Variants in ZDHHC9 observed in about 807,000 individuals in gnomAD.
ZDHHC9 encodes the protein zDHHC palmitoyltransferase 9.
In ZDHHC9, 3 loss-of-function variants were observed where a neutral mutation model predicts 26.6. The ratio of observed to expected loss-of-function variants is 0.11; its 90% CI spans 0.05 to 0.29. ZDHHC9 has a LOEUF of 0.29. Among genes scored for constraint, ZDHHC9 ranks in the 10% least tolerant of loss-of-function variants. The pLI, the probability that ZDHHC9 is intolerant of heterozygous loss-of-function variation, is 1.00. For synonymous variants in ZDHHC9, 111 were observed against 109.4 expected (o/e 1.01, Z -0.09); for missense variants, 146 against 296.4 (o/e 0.49, Z 3.73).
At chrX:129,833,582 GGTTT>G (rs986362959) in intron 3 of ZDHHC9, among the ~76,000 whole-genome samples, 2 of 112,031 alleles carry the variant, frequency 1.8e-5, no homozygotes, top group Admixed American at 9.5e-5. Flanking sequence ...TATGTTTTTT[GGTTT>G]GTTTGTTCTT....
chrX:129,828,312 G>A lies in ZDHHC9; in HGVS notation c.328+669C>T, dbSNP rs966000641. On this transcript the variant is annotated intron_variant, in intron 4 of 10. Transcript: ENST00000357166. ...CTCAAGCCCCCTCCCACTCTGTGGA[G>A]TGTACTTTTGTTTCAATAAATTTGT... 2.7e-5 allele frequency among the ~76,000 whole-genome samples: 3 copies of A among 111,388 alleles called. No homozygotes were observed. The Admixed American group carries it at 2.9e-4, about 11-fold the overall frequency.
chrX:129,825,268 C>CA (rs1200734203), intron 4 of ZDHHC9, among the ~76,000 whole-genome samples: 1 of 107,960 alleles, frequency 9.3e-6, no homozygotes, highest in East Asian at 2.8e-4. Context: ...GACTCCAACT[C>CA]AAAAAAAAAA....
At chrX:129,822,740 A>G (rs939123730) in intron 5 of ZDHHC9, 2 of 112,042 alleles carry the variant, frequency 1.8e-5, no homozygotes, top group African/African-American at 3.2e-5. Flanking sequence ...AAAGCAATAT[A>G]TATCTCCCAA....
In ZDHHC9 at chrX:129,821,449, C is replaced by T. The variant is rs187301093; in HGVS notation, c.487+2230G>A. ...CTGGGACTACAGGCGCCCACCACCA[C>T]GTCCCCTAATTTTTTGTATTTTTAG... On this transcript the variant is annotated intron_variant, in intron 5 of 10. Coordinates refer to ENST00000357166, the MANE Select transcript of ZDHHC9 (RefSeq NM_016032.4). 4.3e-3 allele frequency among the ~76,000 whole-genome samples: 459 copies of T among 107,884 alleles called. 2 individuals are homozygous for T. Among genetic ancestry groups the T allele is most frequent in the African/African-American group, 0.015 (430 of 29,620 alleles). The allele number at this position is 107,884 out of a possible 115,157, so 93.7% of individuals were successfully genotyped here. A position where few individuals can be genotyped will look rare whatever the true frequency, so the allele number is the denominator to read the frequency against.
At chrX:129,833,575 G>GT in intron 3 of ZDHHC9, among the ~76,000 whole-genome samples, 1 of 112,363 alleles carries the variant, frequency 8.9e-6, no homozygotes, top group Non-Finnish European at 1.9e-5. Flanking sequence ...TTCTTGCTAT[G>GT]TTTTTTGGTT....
chrX:129,815,858 AG>A (rs1927745850), intron 5 of ZDHHC9, among the ~76,000 whole-genome samples: 1 of 112,099 alleles, frequency 8.9e-6, no homozygotes, highest in Non-Finnish European at 1.9e-5. Context: ...AATAGTCAAA[AG>A]TTACTTGAAA....
At chrX:129,843,558 G>C (rs1456331171) in intron 1 of ZDHHC9, 138 bp downstream of exon 1, 1 of 111,600 alleles carries the variant, frequency 9.0e-6, no homozygotes, top group Non-Finnish European at 1.9e-5. Context: ...GCCACGTGTA[G>C]TCACCCCGGG....
At chrX:129,833,693 A>C (rs181281980) in intron 3 of ZDHHC9, among the ~76,000 whole-genome samples, 1 of 112,253 alleles carries the variant, frequency 8.9e-6, no homozygotes, top group East Asian at 2.8e-4. Context: ...AACATAACTG[A>C]AATATGAAAC....
chrX:129,817,156 T>C (rs1199418100), intron 5 of ZDHHC9, among the ~76,000 whole-genome samples: 1 of 111,657 alleles, frequency 9.0e-6, no homozygotes, highest in Non-Finnish European at 1.9e-5. Flanking sequence ...ATTACAGGCA[T>C]GAGCCACTGC....
intron 5 of ZDHHC9, among the ~76,000 whole-genome samples, chrX:129,815,652 A>T (rs1196872215): frequency 9.0e-6 from 1 of 111,564 alleles, no homozygotes; most frequent in South Asian, 3.7e-4. Context: ...AAAACTTCTC[A>T]TGTACACCAT....
chrX:129,806,837 G>A (rs1212840466), intron 10 of ZDHHC9, among the ~76,000 whole-genome samples: 2 of 111,799 alleles, frequency 1.8e-5, no homozygotes, highest in African/African-American at 3.3e-5. Context: ...GTCCTCAATC[G>A]TGTTTCTGCC....
chrX:129,813,815 C>T (rs1282078541), intron 6 of ZDHHC9, 90 bp from the exon 7 acceptor site: 3 of 860,663 alleles, frequency 3.5e-6, no homozygotes, highest in Non-Finnish European at 5.1e-6. Flanking sequence ...TTCCTTCCCT[C>T]CCTCTCCCGT....
At chrX:129,814,596 T>C in intron 6 of ZDHHC9, 62 bp downstream of exon 6, 1 of 1,200,007 alleles carries the variant, frequency 8.3e-7, no homozygotes, top group African/African-American at 1.7e-5. Context: ...CCCTCTAAGC[T>C]GCCCTTAACT....
rs776103974 is a variant in ZDHHC9 at position 129,804,130 on chromosome X, T to C, written c.*2240A>G. ...GACCTAAGGGTCCTCAGGAGAACACTTGAGGTAAGGTGAGGGAGGAGAGAG... is the reference window on the plus strand; with the variant it reads ...GACCTAAGGGTCCTCAGGAGAACACCTGAGGTAAGGTGAGGGAGGAGAGAG... On this transcript the variant is annotated 3_prime_UTR_variant, in exon 11 of 11. Transcript: ENST00000357166. 1 of 111,394 alleles carries C rather than the reference T, an allele frequency of 9.0e-6. No homozygotes were observed. The highest frequency in any genetic ancestry group is 1.9e-5 in the Non-Finnish European group (1 of 52,994). The allele number at this position is 111,394 out of a possible 1,213,427, so 9.2% of individuals were successfully genotyped here. A position where few individuals can be genotyped will look rare whatever the true frequency, so the allele number is the denominator to read the frequency against.
chrX:129,810,502 T>A (rs1162054310), intron 10 of ZDHHC9, among the ~76,000 whole-genome samples: 1 of 111,792 alleles, frequency 8.9e-6, no homozygotes, highest in East Asian at 2.8e-4. Context: ...ACCACATCAC[T>A]AACTCTAATA....
At chrX:129,826,689 T>C (rs1161961879) in intron 4 of ZDHHC9, among the ~76,000 whole-genome samples, 1 of 111,584 alleles carries the variant, frequency 9.0e-6, no homozygotes, top group Non-Finnish European at 1.9e-5. Flanking sequence ...TAACTACTCC[T>C]AGTTCTATCG....
chrX:129,804,232 G>C lies in ZDHHC9; in HGVS notation c.*2138C>G, dbSNP rs990905280. On this transcript the variant is annotated 3_prime_UTR_variant, in exon 11 of 11. Coordinates refer to ENST00000357166, the MANE Select transcript of ZDHHC9 (RefSeq NM_016032.4). ...TTCATATGAGTGCCAAGTTACCTGG[G>C]GAAACCTAACAACTTACAAATTCTC... 9.1e-5 allele frequency: 10 copies of C among 110,344 alleles called. No individual in the cohort carries two copies. Among genetic ancestry groups the C allele is most frequent in the African/African-American group, 3.3e-4 (10 of 30,266 alleles). The allele number at this position is 110,344 out of a possible 1,213,427, so 9.1% of individuals were successfully genotyped here.
chrX:129,829,137 G>A lies in ZDHHC9; in HGVS notation c.172C>T (p.Arg58Cys). Reference sequence around the variant, plus strand: ...GGAGACAGCTGAACAGCCAGGTAGCGGCACCTGAAGAAAGCAGGCAATTCA... The same window carrying A: ...GGAGACAGCTGAACAGCCAGGTAGCAGCACCTGAAGAAAGCAGGCAATTCA... ...TCTLFFAFEC[R>C]YLAVQLSPAI... The change falls in exon 4 of 11, where the codon CGC becomes TGC. Residue 58 changes from arginine (R) to cysteine (C), a missense_variant. By Grantham distance (180) the Arg-to-Cys change is radical. Transcript: ENST00000357166. 8.3e-7 allele frequency: 1 copy of A among 1,211,339 alleles called. No homozygotes were observed.
intron 3 of ZDHHC9, among the ~76,000 whole-genome samples, chrX:129,840,498 C>T (rs761928959): frequency 9.0e-6 from 1 of 111,657 alleles, no homozygotes; most frequent in Non-Finnish European, 1.9e-5. Context: ...CGTGCGTGCA[C>T]ATATGCACAC....
Sources: gnomAD v4.1 joint callset for allele counts (sites outside exome capture counted in the v4.1 genomes callset) on GRCh38, gnomAD v4.1.1 for gene constraint, MANE v1.5 for transcripts, NCBI Gene and HGNC (gene_info 2026-07-23, HGNC 2026-07-21) for gene names.